The following TTN variants were observed in gnomAD, a reference collection of about 807,000 sequenced individuals.
TTN encodes the protein titin.
A neutral mutation model predicts 3,223.0 loss-of-function variants in TTN; 1,525 were observed. That is an observed-to-expected ratio of 0.47 (90% CI 0.45 to 0.49). TTN has a LOEUF of 0.49. Among genes scored for constraint, TTN ranks in the 20% least tolerant of loss-of-function variants. TTN has a pLI of 0.00. For synonymous variants in TTN, 14,094 were observed against 15,161.0 expected (o/e 0.93, Z 5.17); for missense variants, 40,786 against 43,424.0 (o/e 0.94, Z 5.40).
chr2:178,621,778 A>C (rs1276461948), intron 244 of TTN, 37 bp from the exon 245 acceptor site: 1 of 1,608,580 alleles, frequency 6.2e-7, no homozygotes, highest in Admixed American at 1.7e-5. Flanking sequence ...ACATTGAGTT[A>C]AGCTGGAAAT....
In TTN at chr2:178,542,690, A is replaced by G. The variant is rs1232795899; in HGVS notation, c.97164T>C (p.Thr32388=). ...TLELKNVTGT[T]SETIKVIILD... is the part of the protein sequence containing the mutation. The stretch of plus-strand genomic sequence containing the variant: ...GAATGATAACTTTAATGGTTTCTGA[A>G]GTAGTTCCGGTAACATTCTTCAATT... Residue 32388 remains threonine (T), a synonymous_variant, in exon 348 of 363, where the codon ACT becomes ACC. Coordinates refer to ENST00000589042, the MANE Select transcript of TTN (RefSeq NM_001267550.2). 6.2e-7 allele frequency: 1 copy of G among 1,613,704 alleles called. No homozygotes were observed. Among genetic ancestry groups the G allele is most frequent in the Middle Eastern group, 1.7e-4 (1 of 6,058 alleles).
chr2:178,692,507 T>C lies in TTN; in HGVS notation c.31668A>G (p.Pro10556=). ...CAAATATTATTCTACCTTTTGGTGC[T>C]GGGGGCTCCACTTTTTTAGGGATAG... ...PVPIPKKVEP[P]APKVPEVPKK... The change falls in exon 120 of 363, where the codon CCA becomes CCG. Residue 10556 remains proline, a synonymous_variant. Coordinates refer to ENST00000589042, the MANE Select transcript of TTN (RefSeq NM_001267550.2). The C allele has an allele frequency of 6.3e-7, 1 of 1,581,982 alleles. No homozygotes were observed.
intron 313 of TTN, 101 bp from the exon 314 acceptor site, chr2:178,582,693 A>G (rs2048054218): frequency 1.6e-6 from 2 of 1,227,944 alleles, no homozygotes; most frequent in South Asian, 3.8e-5. Context: ...TCAATTTCCT[A>G]TATGACCTAG....
At position 178,746,515 on chromosome 2, in the gene TTN, A is replaced by G. The variant is rs770287607; in HGVS notation, c.11312-4594T>C. The G allele has an allele frequency of 3.7e-6, 6 of 1,613,074 alleles. No homozygotes were observed. In the African/African-American group the frequency reaches 8.0e-5, roughly 22 times the overall value. On this transcript the variant is annotated intron_variant, in intron 47 of 362. Transcript: ENST00000589042. ...TTCTTGATGATGTGGTGTGTTCCAAATCAAACTCCATGACATGCTGATGTG... is the reference window on the plus strand; with the variant it reads ...TTCTTGATGATGTGGTGTGTTCCAAGTCAAACTCCATGACATGCTGATGTG...
At chr2:178,683,063 G>A (rs2069867889) in intron 134 of TTN, 148 bp downstream of exon 134, 1 of 925,238 alleles carries the variant, frequency 1.1e-6, no homozygotes, top group Non-Finnish European at 1.7e-6. Context: ...GTATCATAGA[G>A]TATATTTAGC....
intron 240 of TTN, among the ~76,000 whole-genome samples, chr2:178,625,750 G>A (rs376851201): frequency 4.0e-5 from 6 of 151,860 alleles, no homozygotes; most frequent in Non-Finnish European, 8.8e-5. Flanking sequence ...TATGTTTATT[G>A]TGGCATTATT....
chr2:178,681,456 A>G lies in TTN; in HGVS notation c.33173-6T>C. The G allele has an allele frequency of 6.2e-7, 1 of 1,600,596 alleles. No individual in the cohort carries two copies. The highest frequency in any genetic ancestry group is 8.5e-7 in the Non-Finnish European group (1 of 1,175,190). ...AGGGACAGCTTTCTTCAGCACTTCA[A>G]AATATCAATATTAAGAGATTTTAAA... On this transcript the variant is annotated splice_polypyrimidine_tract_variant and splice_region_variant and intron_variant, in intron 136 of 362. Coordinates refer to ENST00000589042, the MANE Select transcript of TTN (RefSeq NM_001267550.2).
At chr2:178,783,572 C>T (rs555045862) in intron 17 of TTN, 148 bp downstream of exon 17, 3 of 701,872 alleles carry the variant, frequency 4.3e-6, no homozygotes, top group Non-Finnish European at 4.9e-6. Context: ...ATATGGTCTT[C>T]CAGACCAAAT....
intron 6 of TTN, among the ~76,000 whole-genome samples, chr2:178,796,571 C>T (rs1057225949): frequency 6.6e-6 from 1 of 152,188 alleles, no homozygotes; most frequent in Admixed American, 6.5e-5. Context: ...AGGGAATAAG[C>T]CTCTTTTCTG....
At position 178,739,759 on chromosome 2, in the gene TTN, C is replaced by G; in HGVS notation, c.13474G>C (p.Gly4492Arg). The G allele has an allele frequency of 6.2e-7, 1 of 1,613,808 alleles. No individual in the cohort carries two copies. ...YEEIDILTAEGPRIQQGAKTS... is the reference protein window; with the variant it reads ...YEEIDILTAERPRIQQGAKTS... Reference sequence around the variant, plus strand: ...TTGGCTCCTTGCTGAATTCTAGGACCCTCAGCTGTTAGGATGTCTATTTCC... The same window carrying G: ...TTGGCTCCTTGCTGAATTCTAGGACGCTCAGCTGTTAGGATGTCTATTTCC... Residue 4492 changes from glycine (G) to arginine (R), a missense_variant, in exon 48 of 363, where the codon GGT becomes CGT. By Grantham distance (125) the Gly-to-Arg change is moderately radical (BLOSUM62 -2). Transcript: ENST00000589042.
rs77957535 is a variant in TTN, at chr2:178,590,263, C to T, written c.61462G>A (p.Val20488Met). The T allele has an allele frequency of 1.4e-5, 22 of 1,578,732 alleles. No homozygotes were observed. The highest frequency in any genetic ancestry group is 9.0e-5 in the East Asian group (4 of 44,520). Residue 20488 changes from valine (V) to methionine (M), a missense_variant, in exon 304 of 363, where the codon GTG becomes ATG. By Grantham distance (21) the Val-to-Met change is conservative. Transcript: ENST00000589042. ...ATGCGGATAGTTTGGCCTACTCTCA[C>T]GGTAATAACATCACGACAAGTAACA... ...LDVTCRDVITVRVGQTIRILA... is the reference protein window; with the variant it reads ...LDVTCRDVITMRVGQTIRILA...
chr2:178,645,956 TAGGTGGAGC>T lies in TTN; in HGVS notation c.40363_40371del (p.Ala13455_Pro13457del), dbSNP rs2061863215. 1.2e-5 allele frequency: 19 copies of T among 1,588,680 alleles called. No homozygotes were observed. The highest frequency in any genetic ancestry group is 1.5e-5 in the Non-Finnish European group (18 of 1,169,596). On this transcript the variant is annotated inframe_deletion, in exon 217 of 363. Coordinates refer to ENST00000589042, the MANE Select transcript of TTN (RefSeq NM_001267550.2). ...AATATTTTCTCCTTCACATCTTCCT[TAGGTGGAGC>T]AGGTGGAGGAGGTGGGGGTCTTGGT...
In TTN at chr2:178,571,517, C is replaced by T. The variant is rs923165795; in HGVS notation, c.74615G>A (p.Arg24872Lys). The T allele has an allele frequency of 2.5e-6, 4 of 1,613,172 alleles. No homozygotes were observed. The African/African-American group carries it at 4.0e-5, about 16-fold the overall frequency. Residue 24872 changes from arginine to lysine, a missense_variant, in exon 326 of 363, where the codon AGA (arginine) becomes AAA (lysine). Arg to Lys is a conservative substitution (Grantham distance 26, BLOSUM62 2). Coordinates refer to ENST00000589042, the MANE Select transcript of TTN (RefSeq NM_001267550.2). Reference protein sequence around the residue: ...TVARTTIKACRLKTGCEYQFR... With the variant: ...TVARTTIKACKLKTGCEYQFR... ...CTGATATTCACATCCAGTCTTCAGT[C>T]TGCAAGCCTTTATTGTTGTCCTTGC...
At chr2:178,724,204 A>G (rs772027195) in intron 72 of TTN, 56 bp downstream of exon 72, 340 of 1,582,600 alleles carry the variant, frequency 2.1e-4, no homozygotes, top group Middle Eastern at 3.4e-4. Flanking sequence ...ACTTGAAAGA[A>G]GGAAACTTGT....
At chr2:178,737,248 A>G (rs2627040) in intron 49 of TTN, 16,980 of 151,976 alleles carry the variant, frequency 0.11, 1,398 homozygotes, top group African/African-American at 0.22. Context: ...GTCACCCTAC[A>G]TATCAATTAG....
Position 178,557,925 on chromosome 2 carries a change from G to C in TTN, c.87429C>G (p.Gly29143=). 6.2e-7 allele frequency: 1 copy of C among 1,613,212 alleles called. No homozygotes were observed. ...VVLDRPGPPT[G]PVVISDITEE... The stretch of plus-strand genomic sequence containing the variant: ...CAGTTATATCACTAATAACAACAGG[G>C]CCAGTTGGAGGACCAGGCCTGTCTA... The change falls in exon 328 of 363, where the codon GGC becomes GGG. Residue 29143 remains glycine (G), a synonymous_variant. Coordinates refer to ENST00000589042, the MANE Select transcript of TTN (RefSeq NM_001267550.2).
rs1318047691 is a variant in TTN, at chr2:178,533,221, C to T, written c.103394G>A (p.Ser34465Asn). 1.2e-6 allele frequency: 2 copies of T among 1,613,930 alleles called. No homozygotes were observed. Among genetic ancestry groups the T allele is most frequent in the South Asian group, 1.1e-5 (1 of 91,082 alleles). The change falls in exon 358 of 363, where the codon AGT becomes AAT. Residue 34465 changes from serine to asparagine, a missense_variant. Ser to Asn is a conservative substitution (Grantham distance 46). Coordinates refer to ENST00000589042, the MANE Select transcript of TTN (RefSeq NM_001267550.2). ...TACGTGTCGCTCATGCTCCTCCTTA[C>T]TCTTGAATTCCTGTTTCTTGTACCT... ...RLRYKKQEFKSKEEHERHVQK... is the reference protein window; with the variant it reads ...RLRYKKQEFKNKEEHERHVQK...
At position 178,672,457 on chromosome 2, in the gene TTN, G is replaced by C; in HGVS notation, c.34880C>G (p.Pro11627Arg). The change falls in exon 154 of 363, where the codon CCA (proline) becomes CGA (arginine). Residue 11627 changes from proline to arginine, a missense_variant. Transcript: ENST00000589042. ...TTTAGGCACAAGGACTTTCTTTTCT[G>C]GGACTTTCTTTGGTACTTCAGGCAC... ...AKVPEVPKKV[P>R]EKKVLVPKKE... is the part of the protein sequence containing the mutation. The C allele has an allele frequency of 6.3e-7, 1 of 1,595,874 alleles. No individual in the cohort carries two copies. The highest frequency in any genetic ancestry group is 1.2e-5 in the South Asian group (1 of 86,298).
chr2:178,681,758 G>A lies in TTN; in HGVS notation c.33095-20C>T. On this transcript the variant is annotated intron_variant, in intron 135 of 362. Transcript: ENST00000589042. ...CTGGTTCTTTAAAAGTACATACAAG[G>A]TATTTCATGTTAGACTTAGAATATA... The A allele has an allele frequency of 6.5e-7, 1 of 1,549,266 alleles. No individual in the cohort carries two copies. The highest frequency in any genetic ancestry group is 8.7e-7 in the Non-Finnish European group (1 of 1,146,836).
Sources: gnomAD v4.1 joint callset for allele counts (sites outside exome capture counted in the v4.1 genomes callset) on GRCh38, gnomAD v4.1.1 for gene constraint, MANE v1.5 for transcripts, NCBI Gene and HGNC (gene_info 2026-07-23, HGNC 2026-07-21) for gene names.